The following NEGR1 variants were observed in gnomAD, a reference collection of about 807,000 sequenced individuals.
The protein encoded by NEGR1 is IgLON family member 4.
A neutral mutation model predicts 40.9 loss-of-function variants in NEGR1; 10 were observed. The observed-to-expected ratio is 0.24, with a 90% CI of 0.15 to 0.42. The LOEUF is 0.42. Among genes scored for constraint, NEGR1 ranks in the 10% least tolerant of loss-of-function variants. The pLI, the probability that NEGR1 is intolerant of heterozygous loss-of-function variation, is 1.00. For missense variants in NEGR1, 352 were observed against 438.9 expected, an observed-to-expected ratio of 0.80 and a Z score of 1.77; for synonymous variants, 185 against 166.8, an observed-to-expected ratio of 1.11 and a Z score of -0.84.
At chr1:71,411,766 G>A (rs1055113171) in intron 6 of NEGR1, among the ~76,000 whole-genome samples, 9 of 152,058 alleles carry the variant, frequency 5.9e-5, no homozygotes, top group Admixed American at 2.6e-4. Flanking sequence ...TTGGGAGGCC[G>A]AAGCAGGTGG....
chr1:71,680,819 T>C (rs1290457596), intron 4 of NEGR1, among the ~76,000 whole-genome samples: 8 of 152,232 alleles, frequency 5.3e-5, no homozygotes, highest in African/African-American at 9.6e-5. Flanking sequence ...GCCAATATAT[T>C]GTATTTGCCT....
intron 2 of NEGR1, among the ~76,000 whole-genome samples, chr1:71,906,275 A>G (rs377266743): frequency 1.1e-4 from 16 of 152,176 alleles, no homozygotes; most frequent in African/African-American, 3.9e-4. Context: ...AAGATTGCAC[A>G]TTGGGTACCG....
At chr1:71,766,652 A>G (rs368846662) in intron 3 of NEGR1, among the ~76,000 whole-genome samples, 65 of 152,360 alleles carry the variant, frequency 4.3e-4, no homozygotes, top group African/African-American at 1.5e-3. Context: ...ACGGCTTTCA[A>G]CATGCTTCTA....
chr1:71,973,759 G>A (rs1231890433), intron 1 of NEGR1, among the ~76,000 whole-genome samples: 1 of 152,156 alleles, frequency 6.6e-6, no homozygotes, highest in Non-Finnish European at 1.5e-5. Flanking sequence ...CATATGCACA[G>A]AATATAACAA....
chr1:71,754,489 T>C (rs182388242), intron 3 of NEGR1, among the ~76,000 whole-genome samples: 24 of 152,320 alleles, frequency 1.6e-4, no homozygotes, highest in African/African-American at 5.1e-4. Context: ...ATTAGCTATG[T>C]ATCAATTACT....
intron 3 of NEGR1, among the ~76,000 whole-genome samples, chr1:71,716,027 G>T (rs1182418497): frequency 1.3e-5 from 2 of 152,214 alleles, no homozygotes; most frequent in African/African-American, 4.8e-5. Flanking sequence ...AATATATAAA[G>T]GAAAGAGGTT....
At chr1:71,820,870 T>A (rs1570393229) in intron 2 of NEGR1, among the ~76,000 whole-genome samples, 1 of 151,960 alleles carries the variant, frequency 6.6e-6, no homozygotes, top group Non-Finnish European at 1.5e-5. Flanking sequence ...TTTGTTCTCA[T>A]AACATTATTA....
At chr1:72,103,391 C>T (rs928293938) in intron 1 of NEGR1, among the ~76,000 whole-genome samples, 1 of 152,006 alleles carries the variant, frequency 6.6e-6, no homozygotes, top group Non-Finnish European at 1.5e-5. Flanking sequence ...AAAAGCAATT[C>T]AGGATGTGAT....
intron 1 of NEGR1, among the ~76,000 whole-genome samples, chr1:72,162,065 T>C (rs1651585152): frequency 6.6e-6 from 1 of 152,126 alleles, no homozygotes; most frequent in African/African-American, 2.4e-5. Flanking sequence ...TGTTAGAAGT[T>C]ATGGAAAAGG....
chr1:71,914,794 G>C (rs370410358), intron 2 of NEGR1, among the ~76,000 whole-genome samples: 7 of 152,034 alleles, frequency 4.6e-5, no homozygotes, highest in African/African-American at 1.7e-4. Flanking sequence ...TGTGTTTCTT[G>C]CTTGTGTCAT....
chr1:71,456,594 T>G (rs1431832234), intron 6 of NEGR1, among the ~76,000 whole-genome samples: 4 of 152,228 alleles, frequency 2.6e-5, no homozygotes. Context: ...TTCCCCGCAA[T>G]GGCTGGCTCA....
At chr1:71,433,343 C>A (rs1169117908) in intron 6 of NEGR1, among the ~76,000 whole-genome samples, 2 of 152,168 alleles carry the variant, frequency 1.3e-5, no homozygotes, top group Admixed American at 1.3e-4. Flanking sequence ...CCCATTAGGG[C>A]ATTGTTTTTA....
intron 6 of NEGR1, among the ~76,000 whole-genome samples, chr1:71,565,502 T>C (rs1648590464): frequency 6.6e-6 from 1 of 152,162 alleles, no homozygotes; most frequent in East Asian, 1.9e-4. Context: ...AAACTGGTGT[T>C]GGTCTCTCTG....
intron 2 of NEGR1, among the ~76,000 whole-genome samples, chr1:71,859,598 C>T (rs963783142): frequency 3.3e-5 from 5 of 151,930 alleles, no homozygotes; most frequent in African/African-American, 1.2e-4. Context: ...GACTGCGTTC[C>T]GATAAAAATG....
intron 1 of NEGR1, among the ~76,000 whole-genome samples, chr1:72,240,608 C>T (rs1654701129): frequency 6.6e-6 from 1 of 151,788 alleles, no homozygotes; most frequent in African/African-American, 2.4e-5. Context: ...GGAAGTGGCC[C>T]AATCAAAGCA....
intron 1 of NEGR1, among the ~76,000 whole-genome samples, chr1:71,949,702 T>A (rs1570543961): frequency 1.3e-5 from 2 of 152,058 alleles, no homozygotes; most frequent in Non-Finnish European, 1.5e-5. Flanking sequence ...CACACAGCAA[T>A]CTCTGGATTT....
At chr1:71,611,988 C>T (rs1036902008) in intron 4 of NEGR1, among the ~76,000 whole-genome samples, 10 of 152,168 alleles carry the variant, frequency 6.6e-5, no homozygotes, top group Non-Finnish European at 1.0e-4. Context: ...TCTGGGAGGC[C>T]GAGGCGGGTG....
At chr1:71,764,895 C>A (rs537149396) in intron 3 of NEGR1, among the ~76,000 whole-genome samples, 3 of 152,258 alleles carry the variant, frequency 2.0e-5, no homozygotes, top group East Asian at 3.9e-4. Context: ...TTTTTCTACA[C>A]AACAACAAAC....
intron 2 of NEGR1, among the ~76,000 whole-genome samples, chr1:71,848,486 G>A (rs1659494977): frequency 6.6e-6 from 1 of 151,996 alleles, no homozygotes; most frequent in Non-Finnish European, 1.5e-5. Context: ...AAAATCCAAG[G>A]GCCCTTAAGA....
Sources: allele counts gnomAD v4.1 joint callset (sites outside exome capture counted in the v4.1 genomes callset), GRCh38; gene constraint gnomAD v4.1.1; transcripts MANE v1.5; gene names NCBI Gene and HGNC (gene_info 2026-07-23, HGNC 2026-07-21).